PCDHGB4: variants seen among roughly 807,000 people sequenced by gnomAD.
PCDHGB4 encodes the protein protocadherin gamma-B4.
In PCDHGB4, 38 loss-of-function variants were observed where a neutral mutation model predicts 60.5. The ratio of observed to expected loss-of-function variants is 0.63; its 90% CI spans 0.48 to 0.82. The LOEUF (loss-of-function observed/expected upper bound fraction) is 0.82, where lower values mean the gene tolerates loss of function less well. PCDHGB4 is among the 40% of genes least tolerant of loss of function. The pLI is 0.00. For missense variants in PCDHGB4, 1,109 were observed against 1,209.6 expected, an observed-to-expected ratio of 0.92 and a Z score of 1.23; for synonymous variants, 456 against 509.7, an observed-to-expected ratio of 0.89 and a Z score of 1.42.
intron 1 of PCDHGB4, chr5:141,400,157 C>G (rs778405500): frequency 3.7e-6 from 6 of 1,614,050 alleles, no homozygotes; most frequent in African/African-American, 1.3e-5. Context: ...CGCCCTGTAC[C>G]CTCTGACCCC....
At chr5:141,488,389 A>G (rs1322717951) in intron 1 of PCDHGB4, among the ~76,000 whole-genome samples, 1 of 152,224 alleles carries the variant, frequency 6.6e-6, no homozygotes, top group East Asian at 1.9e-4. Context: ...GAATTTGGTG[A>G]AACCATGAAA....
In PCDHGB4 at chr5:141,481,621, C is replaced by T. The variant is rs533294863; in HGVS notation, c.2398-13186C>T. Among the ~76,000 whole-genome samples the T allele has an allele frequency of 3.9e-5, 6 of 152,198 alleles. 1 individual carries two copies. Among genetic ancestry groups the T allele is most frequent in the East Asian group, 3.9e-4 (2 of 5,172 alleles). Reference sequence around the variant, plus strand: ...TCACCTGAGGCCAGGAGTTCAAGACCGGCCTGGCCAACATGGTGAAACTTC... The same window carrying T: ...TCACCTGAGGCCAGGAGTTCAAGACTGGCCTGGCCAACATGGTGAAACTTC... On this transcript the variant is annotated intron_variant, in intron 1 of 3. Transcript: ENST00000519479.
rs765263883 is a variant in PCDHGB4 at position 141,491,018 on chromosome 5, C to T, written c.2398-3789C>T. On this transcript the variant is annotated intron_variant, in intron 1 of 3. Coordinates refer to ENST00000519479, the MANE Select transcript of PCDHGB4 (RefSeq NM_003736.4). This position sits in a 1 kb window ranked among gnomAD's most constrained non-coding sequence, Gnocchi z 6.9. The stretch of plus-strand genomic sequence containing the variant: ...CCTGGCTCCTTGGTCACCAAGGTGA[C>T]AGCCGTGGATGCTGATGCAGGCCAC... 1.2e-6 allele frequency: 2 copies of T among 1,614,146 alleles called. No individual in the cohort carries two copies. The highest frequency in any genetic ancestry group is 1.7e-6 in the Non-Finnish European group (2 of 1,180,042).
intron 1 of PCDHGB4, among the ~76,000 whole-genome samples, chr5:141,470,151 CT>C (rs746135943): frequency 7.2e-5 from 11 of 152,164 alleles, no homozygotes; most frequent in Non-Finnish European, 1.6e-4. Flanking sequence ...CATAGATCAT[CT>C]TATCAAATCA....
intron 3 of PCDHGB4, among the ~76,000 whole-genome samples, chr5:141,506,484 C>T (rs1489425559): frequency 6.6e-6 from 1 of 150,566 alleles, no homozygotes; most frequent in Non-Finnish European, 1.5e-5. Context: ...GCTTTAGAGG[C>T]AGGCCAATCT....
chr5:141,394,393 A>G lies in PCDHGB4; in HGVS notation c.2397+4112A>G, dbSNP rs201461446. ...TCTTTCGACTATGAGCAGATCCGAG[A>G]CCTGCAGCTACTGGTAACAGCCAGC... On this transcript the variant is annotated intron_variant, in intron 1 of 3. Coordinates refer to ENST00000519479, the MANE Select transcript of PCDHGB4 (RefSeq NM_003736.4). The G allele has an allele frequency of 4.3e-4, 696 of 1,614,048 alleles. No individual in the cohort carries two copies. The highest frequency in any genetic ancestry group is 5.7e-4 in the Non-Finnish European group (671 of 1,180,036).
intron 1 of PCDHGB4, chr5:141,422,369 G>A (rs890803753): frequency 6.4e-7 from 1 of 1,566,400 alleles, no homozygotes; most frequent in Non-Finnish European, 8.6e-7. Flanking sequence ...GGAGAAAATG[G>A]TCAAGTCTCC....
chr5:141,420,458 C>A, intron 1 of PCDHGB4: 3 of 925,194 alleles, frequency 3.2e-6, no homozygotes, highest in Non-Finnish European at 2.9e-6. Context: ...TCCTACTATT[C>A]AAAGACATTT....
intron 1 of PCDHGB4, among the ~76,000 whole-genome samples, chr5:141,443,876 G>C (rs2098409251): frequency 6.6e-6 from 1 of 152,152 alleles, no homozygotes; most frequent in South Asian, 2.1e-4. Flanking sequence ...TTACTGATAA[G>C]TCAAGAGAAA....
At position 141,390,071 on chromosome 5, in the gene PCDHGB4, C is replaced by G. The variant is rs1322880756; in HGVS notation, c.2187C>G (p.Leu729=). The G allele has an allele frequency of 1.2e-6, 2 of 1,614,084 alleles. No individual in the cohort carries two copies. Among genetic ancestry groups the G allele is most frequent in the Non-Finnish European group, 1.7e-6 (2 of 1,179,914 alleles). ...CCTGGAGCTGCTTCCAGCCTGGTCTCTGTGTTAAATCCGAATCCGTGGTTC... is the reference window on the plus strand; with the variant it reads ...CCTGGAGCTGCTTCCAGCCTGGTCTGTGTGTTAAATCCGAATCCGTGGTTC... ...PASWSCFQPG[L]CVKSESVVPP... Residue 729 remains leucine (L), a synonymous_variant, in exon 1 of 4, where the codon CTC becomes CTG. Transcript: ENST00000519479.
At chr5:141,400,015 G>T (rs747874428) in intron 1 of PCDHGB4, 6 of 1,612,768 alleles carry the variant, frequency 3.7e-6, no homozygotes, top group Non-Finnish European at 4.2e-6. Flanking sequence ...TGCCTTGGGC[G>T]ACAGGGACGC....
chr5:141,389,928 C>A lies in PCDHGB4; in HGVS notation c.2044C>A (p.Leu682Ile). 6.2e-7 allele frequency: 1 copy of A among 1,614,068 alleles called. No homozygotes were observed. The part of the protein sequence containing the change: ...DITDRPDPSD[L>I]QAELQFYLVV... ...CACTGACCGCCCCGACCCCTCTGAC[C>A]TCCAGGCTGAGCTGCAGTTTTACCT... Residue 682 changes from leucine (L) to isoleucine (I), a missense_variant, in exon 1 of 4, where the codon CTC (leucine) becomes ATC (isoleucine). Coordinates refer to ENST00000519479, the MANE Select transcript of PCDHGB4 (RefSeq NM_003736.4).
chr5:141,449,588 CAAAAAAAAAAA>C (rs768743917), intron 1 of PCDHGB4, among the ~76,000 whole-genome samples: 1 of 57,492 alleles, frequency 1.7e-5, no homozygotes, highest in Non-Finnish European at 3.7e-5. Flanking sequence ...GACTCTGTCT[CAAAAAAAAAAA>C]AAAAAAAAGT....
intron 2 of PCDHGB4, among the ~76,000 whole-genome samples, chr5:141,496,841 G>C (rs2099771828): frequency 6.6e-6 from 1 of 151,398 alleles, no homozygotes; most frequent in South Asian, 2.1e-4. Context: ...GAACTCATAG[G>C]CTTCCAGACC....
Position 141,491,262 on chromosome 5 carries a change from G to A in PCDHGB4, c.2398-3545G>A. ...TGGAGGATGAGGACCCTGAGGAAATGCCCAAATCCAGTGACTTCCTCATAC... is the reference window on the plus strand; with the variant it reads ...TGGAGGATGAGGACCCTGAGGAAATACCCAAATCCAGTGACTTCCTCATAC... On this transcript the variant is annotated intron_variant, in intron 1 of 3. Transcript: ENST00000519479. The surrounding 1 kb of genome is among the most constrained non-coding windows in gnomAD (Gnocchi z 6.9). 2 of 1,614,122 alleles carry A rather than the reference G, an allele frequency of 1.2e-6. No individual in the cohort carries two copies. Among genetic ancestry groups the A allele is most frequent in the Non-Finnish European group, 1.7e-6 (2 of 1,179,952 alleles).
rs776550132 is a variant in PCDHGB4, at chr5:141,394,056, G to A, written c.2397+3775G>A. 6 of 1,613,616 alleles carry A rather than the reference G, an allele frequency of 3.7e-6. No homozygotes were observed. The African/African-American group carries it at 5.3e-5, about 14-fold the overall frequency. On this transcript the variant is annotated intron_variant, in intron 1 of 3. Coordinates refer to ENST00000519479, the MANE Select transcript of PCDHGB4 (RefSeq NM_003736.4). ...AAGGAAATATTTGGACCGAGAAAAT[G>A]TCTCTATCTACAATATCACAGTGAT...
chr5:141,484,068 G>C (rs1287427208), intron 1 of PCDHGB4, among the ~76,000 whole-genome samples: 1 of 152,114 alleles, frequency 6.6e-6, no homozygotes, highest in African/African-American at 2.4e-5. Flanking sequence ...TAAGTGAAAA[G>C]CTTGCTCTTT....
chr5:141,483,009 C>T (rs538900128), intron 1 of PCDHGB4, among the ~76,000 whole-genome samples: 4 of 151,942 alleles, frequency 2.6e-5, no homozygotes, highest in Non-Finnish European at 5.9e-5. Flanking sequence ...TGCTTGAACC[C>T]GGGAGGCAGA....
chr5:141,439,636 G>A (rs114401133), intron 1 of PCDHGB4, among the ~76,000 whole-genome samples: 27 of 152,206 alleles, frequency 1.8e-4, no homozygotes, highest in Non-Finnish European at 2.9e-4. Context: ...CAGACATTCC[G>A]GCTTGGTGGC....
Sources: allele counts gnomAD v4.1 joint callset (sites outside exome capture counted in the v4.1 genomes callset), GRCh38; gene constraint gnomAD v4.1.1; non-coding constraint Gnocchi (gnomAD v3.1); transcripts MANE v1.5; gene names NCBI Gene and HGNC (gene_info 2026-07-23, HGNC 2026-07-21).